Variants in IMMP2L observed in about 807,000 individuals in gnomAD.
The protein encoded by IMMP2L is inner mitochondrial membrane peptidase subunit 2.
IMMP2L carries 18 observed loss-of-function variants against 19.3 expected under a neutral mutation model. The observed-to-expected ratio is 0.93, with a 90% CI of 0.64 to 1.38. The LOEUF is 1.38. Ranked by LOEUF, IMMP2L falls within the 40% of genes most tolerant of loss-of-function variation. IMMP2L has a pLI of 0.00. For synonymous variants in IMMP2L, 76 were observed against 73.0 expected (o/e 1.04, Z -0.21); for missense variants, 233 against 218.2 (o/e 1.07, Z -0.43).
At chr7:111,053,262 C>T (rs1793165231) in intron 3 of IMMP2L, among the ~76,000 whole-genome samples, 1 of 152,116 alleles carries the variant, frequency 6.6e-6, no homozygotes, top group Non-Finnish European at 1.5e-5. Context: ...TGCATCCCTT[C>T]CCTCCTGATT....
At chr7:111,552,920 C>G (rs1563349619) in intron 1 of IMMP2L, among the ~76,000 whole-genome samples, 1 of 152,156 alleles carries the variant, frequency 6.6e-6, no homozygotes, top group Non-Finnish European at 1.5e-5. Flanking sequence ...CCACGGCAAG[C>G]CCATTGTGGA....
intron 3 of IMMP2L, among the ~76,000 whole-genome samples, chr7:111,279,943 A>G (rs1819516033): frequency 6.6e-6 from 1 of 152,126 alleles, no homozygotes; most frequent in South Asian, 2.1e-4. Flanking sequence ...AATGCTGACT[A>G]ACCCACTAGT....
intron 3 of IMMP2L, among the ~76,000 whole-genome samples, chr7:111,444,630 T>C (rs1292154343): frequency 1.3e-5 from 2 of 152,298 alleles, no homozygotes; most frequent in Non-Finnish European, 2.9e-5. Context: ...CTTCTACTGC[T>C]ACATCTTTAT....
At chr7:111,134,941 G>A (rs1802193491) in intron 3 of IMMP2L, among the ~76,000 whole-genome samples, 1 of 151,844 alleles carries the variant, frequency 6.6e-6, no homozygotes, top group Non-Finnish European at 1.5e-5. Flanking sequence ...AATAGAAAAG[G>A]GCCAGGTAGC....
At chr7:111,115,580 T>C (rs1288071914) in intron 3 of IMMP2L, among the ~76,000 whole-genome samples, 1 of 152,136 alleles carries the variant, frequency 6.6e-6, no homozygotes, top group Non-Finnish European at 1.5e-5. Flanking sequence ...TTCTAAATTA[T>C]AGCTGTACTA....
chr7:111,066,974 TA>T (rs1463151776), intron 3 of IMMP2L, among the ~76,000 whole-genome samples: 4 of 152,156 alleles, frequency 2.6e-5, no homozygotes, highest in Non-Finnish European at 5.9e-5. Context: ...AAGACCTAGG[TA>T]AGCTCCCCTG....
At position 110,796,161 on chromosome 7, in the gene IMMP2L, G is replaced by A. The variant is rs559672983; in HGVS notation, c.408+90432C>T. On this transcript the variant is annotated intron_variant, in intron 5 of 5. Transcript: ENST00000405709. Reference sequence around the variant, plus strand: ...CCTTCCACCATGATTATAAGCTTCCGGAGGCCTCCCAGCCATGCTAAACTA... The same window carrying A: ...CCTTCCACCATGATTATAAGCTTCCAGAGGCCTCCCAGCCATGCTAAACTA... 3.3e-5 allele frequency among the ~76,000 whole-genome samples: 5 copies of A among 151,926 alleles called. No individual in the cohort carries two copies. In the South Asian group the frequency reaches 6.2e-4, roughly 19 times the overall value.
chr7:111,537,757 A>G (rs1476308331), intron 1 of IMMP2L, among the ~76,000 whole-genome samples: 1 of 151,634 alleles, frequency 6.6e-6, no homozygotes. Flanking sequence ...GCTAATCTCA[A>G]ACTCCTGAGC....
At chr7:110,932,738 C>A (rs2129551916) in intron 4 of IMMP2L, among the ~76,000 whole-genome samples, 1 of 152,314 alleles carries the variant, frequency 6.6e-6, no homozygotes, top group South Asian at 2.1e-4. Flanking sequence ...GAAAATATGT[C>A]ACCTACATTT....
At chr7:111,035,627 T>C (rs1438417815) in intron 3 of IMMP2L, among the ~76,000 whole-genome samples, 1 of 152,212 alleles carries the variant, frequency 6.6e-6, no homozygotes, top group Non-Finnish European at 1.5e-5. Flanking sequence ...TTGAGAATTA[T>C]GGACACAAGC....
intron 3 of IMMP2L, among the ~76,000 whole-genome samples, chr7:111,214,349 T>C (rs1178975856): frequency 3.8e-5 from 5 of 132,432 alleles, no homozygotes; most frequent in Non-Finnish European, 8.1e-5. Context: ...TTTTTTTTTT[T>C]TTTTTTTTTG....
intron 3 of IMMP2L, among the ~76,000 whole-genome samples, chr7:111,269,133 C>T (rs1318532999): frequency 1.3e-5 from 2 of 151,994 alleles, no homozygotes; most frequent in Non-Finnish European, 2.9e-5. Context: ...GTTGACAGGG[C>T]ACTGGCAGGG....
intron 3 of IMMP2L, among the ~76,000 whole-genome samples, chr7:110,967,441 G>C (rs1002082464): frequency 6.6e-6 from 1 of 151,762 alleles, no homozygotes; most frequent in South Asian, 2.1e-4. Flanking sequence ...CTTAACCCTA[G>C]GTCTAAGCAT....
At chr7:111,331,476 CT>C (rs930661569) in intron 3 of IMMP2L, among the ~76,000 whole-genome samples, 4 of 151,638 alleles carry the variant, frequency 2.6e-5, no homozygotes, top group African/African-American at 9.7e-5. Context: ...GAGAAATATG[CT>C]TTTTTTAGTT....
At chr7:111,243,136 C>A (rs1360053159) in intron 3 of IMMP2L, among the ~76,000 whole-genome samples, 1 of 151,978 alleles carries the variant, frequency 6.6e-6, no homozygotes, top group Admixed American at 6.6e-5. Context: ...TGAGAAGAAA[C>A]AACAGGAATT....
chr7:111,481,469 A>G, intron 3 of IMMP2L, among the ~76,000 whole-genome samples: 1 of 152,178 alleles, frequency 6.6e-6, no homozygotes, highest in East Asian at 1.9e-4. Context: ...TCTCATCTAT[A>G]AAACCGGGGA....
chr7:110,833,502 T>C (rs1804162717), intron 5 of IMMP2L, among the ~76,000 whole-genome samples: 1 of 151,846 alleles, frequency 6.6e-6, no homozygotes, highest in East Asian at 1.9e-4. Flanking sequence ...TTTAATTATG[T>C]CTTGCCACCT....
chr7:111,133,071 T>C (rs1441948492), intron 3 of IMMP2L, among the ~76,000 whole-genome samples: 2 of 151,950 alleles, frequency 1.3e-5, no homozygotes, highest in African/African-American at 4.8e-5. Flanking sequence ...GGTCTAATAG[T>C]AGCAAGGTTT....
intron 5 of IMMP2L, among the ~76,000 whole-genome samples, chr7:110,847,402 T>C (rs1012140781): frequency 6.6e-6 from 1 of 152,188 alleles, no homozygotes; most frequent in East Asian, 1.9e-4. Flanking sequence ...CTGATTATAA[T>C]CGATTTAATA....
Sources: allele counts gnomAD v4.1 joint callset (sites outside exome capture counted in the v4.1 genomes callset), GRCh38; gene constraint gnomAD v4.1.1; transcripts MANE v1.5; gene names NCBI Gene and HGNC (gene_info 2026-07-23, HGNC 2026-07-21).